The following MAGI2 variants were observed in gnomAD, a reference collection of about 807,000 sequenced individuals.
The protein encoded by MAGI2 is membrane associated guanylate kinase, WW and PDZ domain containing 2.
A neutral mutation model predicts 133.3 loss-of-function variants in MAGI2; 35 were observed. That is an observed-to-expected ratio of 0.26 (90% confidence interval 0.20 to 0.35). The LOEUF (loss-of-function observed/expected upper bound fraction) is 0.35. Among genes scored for constraint, MAGI2 ranks in the 10% least tolerant of loss-of-function variants. MAGI2 has a pLI of 1.00. For synonymous variants in MAGI2, 729 were observed against 710.6 expected, an observed-to-expected ratio of 1.03 and a Z score of -0.41; for missense variants, 1,636 against 1,863.4, an observed-to-expected ratio of 0.88 and a Z score of 2.25.
chr7:79,024,960 C>A (rs1166801087), intron 1 of MAGI2, among the ~76,000 whole-genome samples: 1 of 152,074 alleles, frequency 6.6e-6, no homozygotes. Context: ...TTTCAAGGAA[C>A]TTAAAATAGA....
chr7:78,175,107 A>G (rs1455062468), intron 14 of MAGI2, among the ~76,000 whole-genome samples: 7 of 152,148 alleles, frequency 4.6e-5, no homozygotes, highest in Non-Finnish European at 1.5e-5. Flanking sequence ...TTGAGTTCTG[A>G]GTTGTTCTAG....
intron 2 of MAGI2, among the ~76,000 whole-genome samples, chr7:79,002,782 C>T (rs1455131278): frequency 2.0e-5 from 3 of 151,458 alleles, no homozygotes; most frequent in Non-Finnish European, 4.4e-5. Context: ...AGTTTCATTA[C>T]AGAACTCAAT....
At chr7:78,858,256 G>C (rs541569771) in intron 2 of MAGI2, among the ~76,000 whole-genome samples, 1 of 152,184 alleles carries the variant, frequency 6.6e-6, no homozygotes, top group East Asian at 1.9e-4. Context: ...ATCTCCTTCA[G>C]TTCTGCTCTG....
At chr7:79,114,139 C>T (rs2129544108) in intron 1 of MAGI2, among the ~76,000 whole-genome samples, 1 of 152,230 alleles carries the variant, frequency 6.6e-6, no homozygotes, top group South Asian at 2.1e-4. Context: ...AAAATCAAGC[C>T]TGCTGAGACT....
chr7:78,351,544 T>A (rs945235776), intron 7 of MAGI2, among the ~76,000 whole-genome samples: 1 of 151,808 alleles, frequency 6.6e-6, no homozygotes, highest in Admixed American at 6.6e-5. Flanking sequence ...ATGACCACAA[T>A]GCAAACTGGC....
At chr7:78,323,433 C>CA (rs1241578020) in intron 9 of MAGI2, among the ~76,000 whole-genome samples, 1 of 152,146 alleles carries the variant, frequency 6.6e-6, no homozygotes, top group African/African-American at 2.4e-5. Context: ...CTCTTTGGAT[C>CA]ACTTCTTAGG....
At chr7:79,319,478 A>C (rs1008262489) in intron 1 of MAGI2, among the ~76,000 whole-genome samples, 2 of 152,132 alleles carry the variant, frequency 1.3e-5, no homozygotes, top group African/African-American at 4.8e-5. Flanking sequence ...AGTCTGGCCA[A>C]TCACATTTAA....
At chr7:78,814,408 A>G (rs1176270695) in intron 2 of MAGI2, among the ~76,000 whole-genome samples, 1 of 152,224 alleles carries the variant, frequency 6.6e-6, no homozygotes. Flanking sequence ...CTACACCCGT[A>G]TCTACCACTT....
chr7:78,441,987 G>A (rs1584138445), intron 6 of MAGI2, among the ~76,000 whole-genome samples: 1 of 152,106 alleles, frequency 6.6e-6, no homozygotes, highest in African/African-American at 2.4e-5. Flanking sequence ...CCCAGCTGCA[G>A]TTTCAGGGTC....
intron 9 of MAGI2, among the ~76,000 whole-genome samples, chr7:78,287,249 G>T (rs1419611182): frequency 6.6e-6 from 1 of 152,190 alleles, no homozygotes; most frequent in Non-Finnish European, 1.5e-5. Flanking sequence ...TCTGAAGAGG[G>T]ATTGTCAAGG....
intron 16 of MAGI2, among the ~76,000 whole-genome samples, chr7:78,152,731 A>G (rs1466983532): frequency 6.6e-6 from 1 of 152,216 alleles, no homozygotes; most frequent in Non-Finnish European, 1.5e-5. Flanking sequence ...CAGATACATG[A>G]GGGGAAAACC....
chr7:79,190,638 C>T (rs939514073), intron 1 of MAGI2, among the ~76,000 whole-genome samples: 1 of 151,850 alleles, frequency 6.6e-6, no homozygotes, highest in Admixed American at 6.6e-5. Context: ...ATTGCAAACA[C>T]TCTTACAATA....
intron 2 of MAGI2, among the ~76,000 whole-genome samples, chr7:78,683,398 T>A (rs1181044674): frequency 6.6e-6 from 1 of 152,136 alleles, no homozygotes; most frequent in Non-Finnish European, 1.5e-5. Context: ...TGAAGAAAGA[T>A]GTCAAGGGCA....
chr7:78,755,632 A>G (rs1338331416), intron 2 of MAGI2, among the ~76,000 whole-genome samples: 1 of 152,244 alleles, frequency 6.6e-6, no homozygotes. Flanking sequence ...AAGAAATTCA[A>G]CTGGTGATTT....
intron 10 of MAGI2, among the ~76,000 whole-genome samples, chr7:78,249,041 A>T (rs1386018898): frequency 1.3e-5 from 2 of 152,082 alleles, no homozygotes; most frequent in African/African-American, 2.4e-5. Context: ...AAAATAATAA[A>T]AAAAAAGTGC....
At chr7:78,477,386 G>A (rs1349857974) in intron 6 of MAGI2, among the ~76,000 whole-genome samples, 1 of 151,952 alleles carries the variant, frequency 6.6e-6, no homozygotes, top group Non-Finnish European at 1.5e-5. Flanking sequence ...ATACCTTTCA[G>A]AGAGGTAAAT....
intron 20 of MAGI2, among the ~76,000 whole-genome samples, chr7:78,103,597 G>C (rs1818394617): frequency 6.6e-6 from 1 of 152,204 alleles, no homozygotes; most frequent in South Asian, 2.1e-4. Flanking sequence ...GAGGTTACCC[G>C]GCTAGTAAGT....
At chr7:78,059,054 T>C (rs1026601973) in intron 21 of MAGI2, among the ~76,000 whole-genome samples, 6 of 152,248 alleles carry the variant, frequency 3.9e-5, no homozygotes, top group African/African-American at 1.4e-4. Flanking sequence ...CTTCTGTTTT[T>C]AGTTTCTCAT....
At chr7:79,061,754 T>A (rs936585197) in intron 1 of MAGI2, among the ~76,000 whole-genome samples, 3 of 152,074 alleles carry the variant, frequency 2.0e-5, no homozygotes, top group African/African-American at 7.2e-5. Flanking sequence ...CAAAATGTTC[T>A]GGGACCAATT....
Sources: allele counts gnomAD v4.1 joint callset (sites outside exome capture counted in the v4.1 genomes callset), GRCh38; gene constraint gnomAD v4.1.1; transcripts MANE v1.5; gene names NCBI Gene and HGNC (gene_info 2026-07-23, HGNC 2026-07-21).